The following TNS1 variants were observed in gnomAD, a reference collection of about 807,000 sequenced individuals.
The protein encoded by TNS1 is tensin 1.
In TNS1, 62 loss-of-function variants were observed where a neutral mutation model predicts 168.6. That is an observed-to-expected ratio of 0.37 (90% CI 0.30 to 0.45). The LOEUF (loss-of-function observed/expected upper bound fraction) is 0.45, where lower values mean the gene tolerates loss of function less well. Ranked by LOEUF, TNS1 falls within the 20% of genes least tolerant of loss-of-function variation. The pLI is 1.00. For synonymous variants in TNS1, 934 were observed against 933.2 expected, an observed-to-expected ratio of 1.00 and a Z score of -0.02; for missense variants, 2,240 against 2,339.4, an observed-to-expected ratio of 0.96 and a Z score of 0.88.
At chr2:217,965,971 C>T (rs917445150) in intron 3 of TNS1, among the ~76,000 whole-genome samples, 16 of 152,172 alleles carry the variant, frequency 1.1e-4, no homozygotes, top group Non-Finnish European at 2.1e-4. Flanking sequence ...CGTGCTTCAT[C>T]CAGCATCCTG....
intron 3 of TNS1, among the ~76,000 whole-genome samples, chr2:217,954,530 C>T (rs760636078): frequency 2.3e-4 from 35 of 152,142 alleles, no homozygotes; most frequent in African/African-American, 6.3e-4. Context: ...AACAGGAAAC[C>T]GAGCTTTGAA....
At position 217,886,090 on chromosome 2, in the gene TNS1, G is replaced by T. The variant is rs1202449340; in HGVS notation, c.994C>A (p.Leu332Ile). 3.1e-6 allele frequency: 5 copies of T among 1,614,028 alleles called. No homozygotes were observed. In the South Asian group the frequency reaches 4.4e-5, roughly 14 times the overall value. Residue 332 changes from leucine (L) to isoleucine (I), a missense_variant, in exon 14 of 33, where the codon CTC (leucine) becomes ATC (isoleucine). Transcript: ENST00000682258. ...FESKGGCRPF[L>I]RIYQAMQPVY... is the part of the protein sequence containing the mutation. ...GGTTGCATGGCCTGGTAGATGCGGA[G>T]AAATGGCCGACATCCTGTAAAAGTG...
At chr2:217,896,750 G>A (rs1952349062) in intron 8 of TNS1, among the ~76,000 whole-genome samples, 1 of 152,140 alleles carries the variant, frequency 6.6e-6, no homozygotes, top group African/African-American at 2.4e-5. Flanking sequence ...AAATCCATGG[G>A]TGCTCAGGTC....
intron 3 of TNS1, among the ~76,000 whole-genome samples, chr2:217,953,529 G>A (rs142046249): frequency 3.9e-3 from 593 of 152,336 alleles, no homozygotes; most frequent in African/African-American, 0.013. Flanking sequence ...ACTTGGTGGT[G>A]GTTGTGAAAA....
chr2:217,875,313 T>C lies in TNS1; in HGVS notation c.1429+5585A>G, dbSNP rs57325233. 3.3e-5 allele frequency among the ~76,000 whole-genome samples: 5 copies of C among 152,254 alleles called. No homozygotes were observed. The East Asian group carries it at 7.7e-4, about 24-fold the overall frequency. ...GCATAATTGAGCCTCTCCTGACTGA[T>C]AGAACCACTAAGCCATGCTCCTTCC... On this transcript the variant is annotated intron_variant, in intron 18 of 32. Transcript: ENST00000682258.
At chr2:217,820,832 C>T (rs1333162808) in intron 23 of TNS1, among the ~76,000 whole-genome samples, 4 of 152,146 alleles carry the variant, frequency 2.6e-5, no homozygotes, top group South Asian at 4.2e-4. Context: ...GGGACTGTCA[C>T]CCACCTCTGG....
At chr2:217,849,652 G>C (rs930691833) in intron 18 of TNS1, 5 of 985,216 alleles carry the variant, frequency 5.1e-6, no homozygotes, top group Non-Finnish European at 6.0e-6. Flanking sequence ...AGTCCCCTCC[G>C]CCACCCCATC....
intron 3 of TNS1, among the ~76,000 whole-genome samples, chr2:217,975,830 T>G (rs886376448): frequency 6.6e-6 from 1 of 152,228 alleles, no homozygotes; most frequent in Admixed American, 6.5e-5. Flanking sequence ...CACCATGGAC[T>G]AAGCCACCAG....
intron 18 of TNS1, chr2:217,858,455 C>T (rs996715265): frequency 1.9e-5 from 18 of 932,634 alleles, no homozygotes; most frequent in Non-Finnish European, 2.0e-5. Flanking sequence ...CACACAAGAA[C>T]ACTCACAGGC....
At chr2:217,935,899 A>T (rs754103388) in intron 3 of TNS1, among the ~76,000 whole-genome samples, 2 of 152,214 alleles carry the variant, frequency 1.3e-5, no homozygotes, top group Non-Finnish European at 2.9e-5. Context: ...GTCAGGATTC[A>T]CATGCAGACC....
At chr2:217,924,517 G>C (rs1431149969) in intron 3 of TNS1, among the ~76,000 whole-genome samples, 3 of 152,238 alleles carry the variant, frequency 2.0e-5, no homozygotes, top group Non-Finnish European at 4.4e-5. Context: ...CCAGCACACA[G>C]TAGGTACACA....
At chr2:217,968,593 C>G (rs899642313) in intron 3 of TNS1, among the ~76,000 whole-genome samples, 4 of 152,032 alleles carry the variant, frequency 2.6e-5, no homozygotes, top group African/African-American at 9.7e-5. Context: ...AATATATACT[C>G]TTAAAATTAC....
intron 31 of TNS1, among the ~76,000 whole-genome samples, 168 bp from the exon 32 acceptor site, chr2:217,808,275 C>T (rs1260599453): frequency 6.7e-6 from 1 of 148,780 alleles, no homozygotes; most frequent in East Asian, 2.1e-4. Flanking sequence ...TGCCCAAGAT[C>T]ACACAGATGC....
chr2:217,871,709 C>G (rs542239061), intron 18 of TNS1, among the ~76,000 whole-genome samples: 1 of 152,396 alleles, frequency 6.6e-6, no homozygotes, highest in African/African-American at 2.4e-5. Flanking sequence ...CTCTCACTCT[C>G]AAACCTGGAG....
chr2:217,920,213 TG>T lies in TNS1; in HGVS notation c.209del (p.Pro70HisfsTer18). On this transcript the variant is annotated frameshift_variant, in exon 4 of 33. Coordinates refer to ENST00000682258, the MANE Select transcript of TNS1 (RefSeq NM_001387777.1). LOFTEE classifies it high-confidence loss of function. ...QAKVAAPCVP[P>X]SNHELVPITT... Reference sequence around the variant, plus strand: ...CACTCACCACCAGCTCATGGTTGGATGGAGGAACGCAGGGGGCAGCCACCTG... The same window carrying T: ...CACTCACCACCAGCTCATGGTTGGATGAGGAACGCAGGGGGCAGCCACCTG... 1.4e-6 allele frequency: 1 copy of T among 702,922 alleles called. No individual in the cohort carries two copies. The highest frequency in any genetic ancestry group is 2.6e-6 in the Non-Finnish European group (1 of 384,972). 43.5% of individuals were successfully genotyped at this position (702,922 alleles called of 1,614,324 possible). A position where few individuals can be genotyped will look rare whatever the true frequency, so the allele number is the denominator to read the frequency against.
At chr2:217,960,010 G>A (rs974777542) in intron 3 of TNS1, among the ~76,000 whole-genome samples, 1 of 152,070 alleles carries the variant, frequency 6.6e-6, no homozygotes, top group Non-Finnish European at 1.5e-5. Flanking sequence ...GGAGGAGGAG[G>A]AGGAGGAGCA....
chr2:217,946,312 C>A (rs1173066925), intron 3 of TNS1, among the ~76,000 whole-genome samples: 1 of 152,170 alleles, frequency 6.6e-6, no homozygotes, highest in Non-Finnish European at 1.5e-5. Context: ...GGGTCAGGTG[C>A]ACTTCTATGG....
At chr2:217,869,610 TGAGGAAAGGC>T (rs781404281) in intron 18 of TNS1, among the ~76,000 whole-genome samples, 1 of 151,758 alleles carries the variant, frequency 6.6e-6, no homozygotes, top group Non-Finnish European at 1.5e-5. Flanking sequence ...GGGGAGGAGG[TGAGGAAAGGC>T]AGCCCTCAGC....
intron 2 of TNS1, among the ~76,000 whole-genome samples, chr2:217,985,034 G>T (rs1038750755): frequency 4.0e-5 from 6 of 151,770 alleles, no homozygotes; most frequent in Non-Finnish European, 7.4e-5. Flanking sequence ...TGGGATTACA[G>T]GAGTGAGCCA....
Sources: gnomAD v4.1 joint callset for allele counts (sites outside exome capture counted in the v4.1 genomes callset) on GRCh38, gnomAD v4.1.1 for gene constraint, MANE v1.5 for transcripts, NCBI Gene and HGNC (gene_info 2026-07-23, HGNC 2026-07-21) for gene names.